The following CADM2 variants were observed in gnomAD, a reference collection of about 807,000 sequenced individuals.
CADM2 encodes the protein cell adhesion molecule 2.
A neutral mutation model predicts 49.8 loss-of-function variants in CADM2; 12 were observed. That is an observed-to-expected ratio of 0.24 (90% CI 0.15 to 0.39). CADM2 has a LOEUF of 0.39. CADM2 is among the 10% of genes least tolerant of loss of function. The pLI, the probability that CADM2 is intolerant of heterozygous loss-of-function variation, is 1.00. For synonymous variants in CADM2, 214 were observed against 175.4 expected (o/e 1.22, Z -1.74); for missense variants, 378 against 492.3 (o/e 0.77, Z 2.20).
intron 1 of CADM2, among the ~76,000 whole-genome samples, chr3:85,265,128 T>C (rs2043093741): frequency 6.6e-6 from 1 of 152,058 alleles, no homozygotes; most frequent in Non-Finnish European, 1.5e-5. Context: ...AAATAGGTTA[T>C]AGCAAGAAAA....
At chr3:85,921,124 C>A (rs1719049509) in intron 6 of CADM2, among the ~76,000 whole-genome samples, 1 of 151,762 alleles carries the variant, frequency 6.6e-6, no homozygotes, top group South Asian at 2.1e-4. Context: ...ATGACCGTGA[C>A]AAGTAAAAAT....
At chr3:85,552,870 G>T (rs2061848709) in intron 1 of CADM2, among the ~76,000 whole-genome samples, 1 of 151,754 alleles carries the variant, frequency 6.6e-6, no homozygotes, top group Admixed American at 6.6e-5. Context: ...TAGAGACAAG[G>T]ATTTCACCGT....
At chr3:85,897,206 C>G (rs149035160) in intron 5 of CADM2, among the ~76,000 whole-genome samples, 2 of 108,204 alleles carry the variant, frequency 1.8e-5, no homozygotes, top group East Asian at 6.5e-4. Flanking sequence ...ATTAATGTTT[C>G]TGAGAATTAC....
At chr3:85,479,321 A>G (rs1475313974) in intron 1 of CADM2, among the ~76,000 whole-genome samples, 1 of 151,870 alleles carries the variant, frequency 6.6e-6, no homozygotes, top group East Asian at 1.9e-4. Context: ...ATCAGAAGAA[A>G]TTCTATTTAA....
chr3:85,502,864 C>T (rs1351308302), intron 1 of CADM2, among the ~76,000 whole-genome samples: 1 of 152,068 alleles, frequency 6.6e-6, no homozygotes, highest in Admixed American at 6.5e-5. Context: ...TTTATGTCAA[C>T]AGAAAGTATT....
intron 1 of CADM2, among the ~76,000 whole-genome samples, chr3:85,499,392 A>T (rs1305653889): frequency 2.6e-5 from 4 of 152,098 alleles, no homozygotes; most frequent in Non-Finnish European, 5.9e-5. Context: ...TTCCCTTGGT[A>T]GATCTACTAT....
chr3:85,986,828 A>C (rs568092643), intron 8 of CADM2, among the ~76,000 whole-genome samples: 7 of 152,212 alleles, frequency 4.6e-5, no homozygotes, highest in South Asian at 2.1e-4. Flanking sequence ...ATCACATCGT[A>C]CATGCTTTTG....
At chr3:85,195,656 G>A (rs1256235070) in intron 1 of CADM2, among the ~76,000 whole-genome samples, 8 of 151,740 alleles carry the variant, frequency 5.3e-5, no homozygotes, top group Non-Finnish European at 1.0e-4. Context: ...CAACAAAGTA[G>A]GCTATAAATT....
chr3:85,453,982 A>C lies in CADM2; in HGVS notation c.62-272540A>C, dbSNP rs77417801. The stretch of plus-strand genomic sequence containing the variant: ...CCACATGTAGTAAGCAGTATTAAAC[A>C]TTTGGGAAAAAAGGAACCAAGAAAA... On this transcript the variant is annotated intron_variant, in intron 1 of 9. Coordinates refer to ENST00000383699, the MANE Select transcript of CADM2 (RefSeq NM_001167675.2). Among the ~76,000 whole-genome samples, 486 of 152,310 alleles carry C rather than the reference A, an allele frequency of 3.2e-3. 10 individuals are homozygous for C. The highest frequency in any genetic ancestry group is 0.027 in the East Asian group (141 of 5,168).
chr3:85,002,945 C>G (rs145991895), intron 1 of CADM2, among the ~76,000 whole-genome samples: 483 of 152,142 alleles, frequency 3.2e-3, no homozygotes, highest in Non-Finnish European at 4.9e-3. Flanking sequence ...GCCACCATGT[C>G]CAGCCAATTT....
In CADM2 at chr3:86,070,099, G is replaced by C. The variant is rs1739725568; in HGVS notation, c.*3316G>C. 1 of 151,970 alleles carries C rather than the reference G, an allele frequency of 6.6e-6. No homozygotes were observed. The highest frequency in any genetic ancestry group is 2.1e-4 in the South Asian group (1 of 4,828). The allele number at this position is 151,970 out of a possible 1,614,324, so 9.4% of individuals were successfully genotyped here. A position where few individuals can be genotyped will look rare whatever the true frequency, so the allele number is the denominator to read the frequency against. On this transcript the variant is annotated 3_prime_UTR_variant, in exon 10 of 10. Transcript: ENST00000383699. ...GATATTGGAGTTTAATCTAGAAACT[G>C]GATGATCTCATATTGATTCATGATG...
chr3:85,574,740 A>G (rs995460188), intron 1 of CADM2, among the ~76,000 whole-genome samples: 30 of 152,178 alleles, frequency 2.0e-4, no homozygotes, highest in African/African-American at 7.2e-4. Context: ...TTCTTTAGCT[A>G]TACATCTAGA....
chr3:86,012,593 G>A (rs1376890872), intron 8 of CADM2: 2 of 1,572,830 alleles, frequency 1.3e-6, no homozygotes, highest in African/African-American at 2.7e-5. Context: ...CCAACTGCAC[G>A]CGAAGCGCAC....
intron 1 of CADM2, among the ~76,000 whole-genome samples, chr3:85,454,395 A>G (rs1461342283): frequency 6.6e-6 from 1 of 152,094 alleles, no homozygotes. Context: ...GCAGAATCCC[A>G]CCAAGCAAGC....
At chr3:85,716,693 C>T (rs1262205175) in intron 1 of CADM2, among the ~76,000 whole-genome samples, 1 of 152,098 alleles carries the variant, frequency 6.6e-6, no homozygotes, top group Non-Finnish European at 1.5e-5. Context: ...AGGAAGGGGT[C>T]CAGTTTCAGT....
At chr3:85,261,263 G>A (rs1352626737) in intron 1 of CADM2, among the ~76,000 whole-genome samples, 2 of 152,136 alleles carry the variant, frequency 1.3e-5, no homozygotes, top group African/African-American at 4.8e-5. Context: ...AGCCTCCTGA[G>A]TAGCTGGGAT....
intron 1 of CADM2, among the ~76,000 whole-genome samples, chr3:84,988,970 T>A (rs1575982513): frequency 6.6e-6 from 1 of 152,310 alleles, no homozygotes; most frequent in Non-Finnish European, 1.5e-5. Flanking sequence ...GATCTAATTC[T>A]AGGTTTTGGG....
At chr3:85,143,187 T>A (rs2039628548) in intron 1 of CADM2, among the ~76,000 whole-genome samples, 2 of 152,188 alleles carry the variant, frequency 1.3e-5, no homozygotes, top group African/African-American at 2.4e-5. Context: ...AAATTTGGAA[T>A]AATTTTATTG....
intron 2 of CADM2, among the ~76,000 whole-genome samples, chr3:85,747,976 T>G (rs1251681723): frequency 1.3e-5 from 2 of 152,082 alleles, no homozygotes; most frequent in Admixed American, 1.3e-4. Flanking sequence ...ATAAAGGAGT[T>G]TCCTCTATAA....
Sources: gnomAD v4.1 joint callset for allele counts (sites outside exome capture counted in the v4.1 genomes callset) on GRCh38, gnomAD v4.1.1 for gene constraint, MANE v1.5 for transcripts, NCBI Gene and HGNC (gene_info 2026-07-23, HGNC 2026-07-21) for gene names.